PATJ: variants seen among roughly 807,000 people sequenced by gnomAD.
PATJ encodes the protein inaD-like protein.
In PATJ, 190 loss-of-function variants were observed where a neutral mutation model predicts 224.9. That is an observed-to-expected ratio of 0.84 (90% CI 0.75 to 0.95). The LOEUF (loss-of-function observed/expected upper bound fraction) is 0.95. Among genes scored for constraint, PATJ ranks in the 40% least tolerant of loss-of-function variants. The pLI is 0.00. For missense variants in PATJ, 2,121 were observed against 2,270.3 expected (o/e 0.93, Z 1.34); for synonymous variants, 769 against 820.3 (o/e 0.94, Z 1.07).
In PATJ at chr1:61,808,508, C is replaced by A; in HGVS notation, c.1661C>A (p.Ala554Asp). The change falls in exon 14 of 44, where the codon GCT becomes GAT. Residue 554 changes from alanine (A) to aspartate (D), a missense_variant. Physicochemically the swap from Ala to Asp is moderately radical, Grantham distance 126 (BLOSUM62 -2). Coordinates refer to ENST00000642238, the MANE Select transcript of PATJ (RefSeq NM_001350145.3). ...ATLDTQIADD[A>D]ELQKYSKLLP... is the part of the protein sequence containing the mutation. The stretch of plus-strand genomic sequence containing the variant: ...TTGGACACACAGATTGCAGATGATG[C>A]TGAGTTACAGAAATATTCAAAGGTA... The A allele has an allele frequency of 1.2e-6, 2 of 1,607,098 alleles. No individual in the cohort carries two copies. The highest frequency in any genetic ancestry group is 8.5e-7 in the Non-Finnish European group (1 of 1,175,000).
intron 37 of PATJ, among the ~76,000 whole-genome samples, chr1:62,118,890 C>G (rs1664746946): frequency 6.6e-6 from 1 of 152,044 alleles, no homozygotes; most frequent in African/African-American, 2.4e-5. Flanking sequence ...CCTCGGCCTC[C>G]CAAAGTGCCT....
intron 20 of PATJ, among the ~76,000 whole-genome samples, chr1:61,869,338 C>A (rs185595577): frequency 6.6e-6 from 1 of 152,082 alleles, no homozygotes; most frequent in African/African-American, 2.4e-5. Flanking sequence ...GATCTCCTGA[C>A]CTCGTGATCC....
chr1:61,795,715 C>G (rs376188843), intron 10 of PATJ, among the ~76,000 whole-genome samples, 157 bp downstream of exon 10: 1 of 152,106 alleles, frequency 6.6e-6, no homozygotes, highest in African/African-American at 2.4e-5. Context: ...ATTTTGGACT[C>G]TTCTTCCTAC....
intron 28 of PATJ, among the ~76,000 whole-genome samples, chr1:61,999,343 G>T (rs1645606349): frequency 6.6e-6 from 1 of 152,152 alleles, no homozygotes; most frequent in South Asian, 2.1e-4. Context: ...AGAATTGAGA[G>T]AAGTTTTCTT....
In PATJ at chr1:62,161,059, C is replaced by T. The variant is rs989934846; in HGVS notation, c.*5C>T. ...ACCTTAACTGTGCTGTCATGAGCCT[C>T]GGGCCTGATCACAAGATAGATGTTG... is the stretch of plus-strand genomic sequence containing the variant. On this transcript the variant is annotated 3_prime_UTR_variant, in exon 44 of 44. Transcript: ENST00000642238. The T allele has an allele frequency of 8.8e-6, 13 of 1,483,220 alleles. No homozygotes were observed. The African/African-American group carries it at 9.8e-5, about 11-fold the overall frequency. The allele number at this position is 1,483,220 out of a possible 1,614,324, so 91.9% of individuals were successfully genotyped here.
intron 17 of PATJ, among the ~76,000 whole-genome samples, chr1:61,852,314 C>T (rs1393966857): frequency 2.0e-5 from 3 of 151,932 alleles, no homozygotes; most frequent in African/African-American, 7.3e-5. Flanking sequence ...CTCTGGTGCC[C>T]TCTATTGGCT....
intron 31 of PATJ, among the ~76,000 whole-genome samples, chr1:62,062,239 T>C (rs1655594024): frequency 6.6e-6 from 1 of 151,796 alleles, no homozygotes; most frequent in Non-Finnish European, 1.5e-5. Context: ...TTTGTCTCCA[T>C]AGCCTCACTA....
At chr1:61,758,827 CATAGCTCACT>C (rs1645799567) in intron 1 of PATJ, among the ~76,000 whole-genome samples, 1 of 152,034 alleles carries the variant, frequency 6.6e-6, no homozygotes, top group Non-Finnish European at 1.5e-5. Context: ...GTGGCATAAT[CATAGCTCACT>C]ATAGCCTCAA....
Position 61,896,733 on chromosome 1 carries a change from G to A in PATJ, c.3132-2850G>A, listed in dbSNP as rs183429377. On this transcript the variant is annotated intron_variant, in intron 22 of 43. Coordinates refer to ENST00000642238, the MANE Select transcript of PATJ (RefSeq NM_001350145.3). ...GATGAGAGGTGATTGGATCATGGGG[G>A]AAGTTTTCACATGTTGTTCTCATGA... is the stretch of plus-strand genomic sequence containing the variant. Among the ~76,000 whole-genome samples, 362 of 152,218 alleles carry A rather than the reference G, an allele frequency of 2.4e-3. 1 individual carries two copies. The highest frequency in any genetic ancestry group is 4.1e-3 in the Non-Finnish European group (276 of 68,012).
intron 21 of PATJ, among the ~76,000 whole-genome samples, chr1:61,883,763 A>C (rs1421887213): frequency 2.7e-5 from 4 of 150,662 alleles, no homozygotes; most frequent in Non-Finnish European, 5.9e-5. Flanking sequence ...CTCTTAAAAA[A>C]AAAAAAAAAA....
chr1:61,919,738 C>T (rs1250954187), intron 26 of PATJ, among the ~76,000 whole-genome samples: 2 of 151,654 alleles, frequency 1.3e-5, no homozygotes, highest in Admixed American at 6.6e-5. Flanking sequence ...TCTCTTTGAC[C>T]CAAAATGTAT....
chr1:61,777,602 A>ATGAT (rs1646985658), intron 7 of PATJ, among the ~76,000 whole-genome samples: 1 of 151,758 alleles, frequency 6.6e-6, no homozygotes, highest in Admixed American at 6.6e-5. Context: ...ATTAACCAAT[A>ATGAT]TGATTGTCTT....
chr1:61,971,733 C>T (rs1251117145), intron 27 of PATJ, among the ~76,000 whole-genome samples: 1 of 150,386 alleles, frequency 6.6e-6, no homozygotes, highest in Non-Finnish European at 1.5e-5. Flanking sequence ...GTGGCTCACT[C>T]CTGTAATCCC....
At chr1:62,091,674 T>C (rs967299873) in intron 33 of PATJ, among the ~76,000 whole-genome samples, 6 of 152,150 alleles carry the variant, frequency 3.9e-5, no homozygotes, top group African/African-American at 2.4e-5. Flanking sequence ...CCCAGCTCTT[T>C]GGGAGGCTGA....
intron 28 of PATJ, among the ~76,000 whole-genome samples, chr1:62,007,260 T>A (rs1224872104): frequency 6.6e-6 from 1 of 152,208 alleles, no homozygotes. Context: ...TATTACTGTC[T>A]TTCAGGGACT....
intron 1 of PATJ, among the ~76,000 whole-genome samples, chr1:61,756,895 G>A (rs968046951): frequency 1.3e-4 from 20 of 151,742 alleles, no homozygotes; most frequent in African/African-American, 4.8e-4. Flanking sequence ...TACAATGAGA[G>A]TTTTCTGTTG....
intron 16 of PATJ, among the ~76,000 whole-genome samples, chr1:61,832,309 C>T (rs1570771287): frequency 6.6e-6 from 1 of 150,792 alleles, no homozygotes; most frequent in Non-Finnish European, 1.5e-5. Context: ...TGCACACATA[C>T]CCCCTGAACC....
At chr1:62,033,473 G>A (rs1426588697) in intron 29 of PATJ, among the ~76,000 whole-genome samples, 4 of 152,170 alleles carry the variant, frequency 2.6e-5, no homozygotes, top group East Asian at 3.9e-4. Flanking sequence ...ATTCCCGTTG[G>A]TAGTCTTCAC....
chr1:62,120,318 TA>T (rs1664897967), intron 37 of PATJ, among the ~76,000 whole-genome samples: 1 of 152,238 alleles, frequency 6.6e-6, no homozygotes, highest in Non-Finnish European at 1.5e-5. Context: ...TTTCATATTT[TA>T]GGAATTAAAA....
Sources: allele counts gnomAD v4.1 joint callset (sites outside exome capture counted in the v4.1 genomes callset), GRCh38; gene constraint gnomAD v4.1.1; transcripts MANE v1.5; gene names NCBI Gene and HGNC (gene_info 2026-07-23, HGNC 2026-07-21).